Variants in MRPS15 observed in about 807,000 individuals in gnomAD.
MRPS15 encodes the protein mitochondrial ribosomal protein S15.
Under a neutral mutation model 30.7 loss-of-function variants are expected in MRPS15, and 25 were observed. That is an observed-to-expected ratio of 0.81 (90% CI 0.59 to 1.14). The LOEUF is 1.14. Ranked by LOEUF, MRPS15 falls within the 50% of genes most tolerant of loss-of-function variation. The pLI, the probability that MRPS15 is intolerant of heterozygous loss-of-function variation, is 0.00. For synonymous variants in MRPS15, 124 were observed against 120.1 expected (o/e 1.03, Z -0.21); for missense variants, 313 against 321.7 (o/e 0.97, Z 0.21).
At position 36,456,331 on chromosome 1, in the gene MRPS15, T is replaced by C. The variant is rs1649995066; in HGVS notation, c.492A>G (p.Lys164=). The change falls in exon 7 of 8, where the codon AAA becomes AAG. Residue 164 remains lysine (K), a synonymous_variant. Coordinates refer to ENST00000373116, the MANE Select transcript of MRPS15 (RefSeq NM_031280.4). ...RYLLMSIDQR[K]KMLKNLRNTN... ...TGTTACGGAGGTTTTTGAGCATCTT[T>C]TTCCTCTGGTCAATGCTCATTAGCA... is the stretch of plus-strand genomic sequence containing the variant. 2 of 1,614,190 alleles carry C rather than the reference T, an allele frequency of 1.2e-6. No individual in the cohort carries two copies. The highest frequency in any genetic ancestry group is 1.7e-6 in the Non-Finnish European group (2 of 1,180,024).
Position 36,461,331 on chromosome 1 carries a change from AAT to A in MRPS15, c.252-21_252-20del, listed in dbSNP as rs766070266. On this transcript the variant is annotated intron_variant, in intron 3 of 7. Coordinates refer to ENST00000373116, the MANE Select transcript of MRPS15 (RefSeq NM_031280.4). Reference sequence around the variant, plus strand: ...ATCAACCCTGTGGATAAACCACAGCAATGAGACAGACATTGGGGGAGAAGAGA... The same window carrying A: ...ATCAACCCTGTGGATAAACCACAGCAGAGACAGACATTGGGGGAGAAGAGA... 49 of 1,611,126 alleles carry A rather than the reference AAT, an allele frequency of 3.0e-5. No homozygotes were observed. The highest frequency in any genetic ancestry group is 3.5e-5 in the Non-Finnish European group (41 of 1,177,334).
In MRPS15 at chr1:36,461,300, G is replaced by C. The variant is rs751634586; in HGVS notation, c.264C>G (p.Val88=). ...TTTCCAAAGACAAGAGTCTTTTCACGACATCATCAACCCTGTGGATAAACC... is the reference window on the plus strand; with the variant it reads ...TTTCCAAAGACAAGAGTCTTTTCACCACATCATCAACCCTGTGGATAAACC... ...NVPGIEKVDD[V]VKRLLSLEMA... Residue 88 remains valine (V), a synonymous_variant, in exon 4 of 8, where the codon GTC becomes GTG. Coordinates refer to ENST00000373116, the MANE Select transcript of MRPS15 (RefSeq NM_031280.4). 2 of 1,614,150 alleles carry C rather than the reference G, an allele frequency of 1.2e-6. No individual in the cohort carries two copies. The highest frequency in any genetic ancestry group is 1.7e-6 in the Non-Finnish European group (2 of 1,179,992).
In MRPS15 at chr1:36,455,938, AGGGGC is replaced by A; in HGVS notation, c.637-18_637-14del. On this transcript the variant is annotated splice_polypyrimidine_tract_variant and intron_variant, in intron 7 of 7. Coordinates refer to ENST00000373116, the MANE Select transcript of MRPS15 (RefSeq NM_031280.4). ...TCTCCTGGAAAACCTGGGGATGAAA[AGGGGC>A]AGAAAAAGACCTTGTAATCCTGTGC... 2 of 1,611,464 alleles carry A rather than the reference AGGGGC, an allele frequency of 1.2e-6. No individual in the cohort carries two copies. The highest frequency in any genetic ancestry group is 3.4e-5 in the Admixed American group (2 of 59,366).
Position 36,464,335 on chromosome 1 carries a change from C to G in MRPS15, c.-60G>C. 6.3e-7 allele frequency: 1 copy of G among 1,578,648 alleles called. No individual in the cohort carries two copies. Among genetic ancestry groups the G allele is most frequent in the Non-Finnish European group, 8.6e-7 (1 of 1,162,042 alleles). ...GCCGCCGTTCGCTTTGCGGCACGGA[C>G]CGGGTTACATGGGCGCCGCCATGCT... On this transcript the variant is annotated 5_prime_UTR_variant, in exon 1 of 8. Transcript: ENST00000373116.
rs144033990 is a variant in MRPS15 at position 36,458,260 on chromosome 1, G to A, written c.386-279C>T. 2,007 of 338,900 alleles carry A rather than the reference G, an allele frequency of 5.9e-3. 34 individuals are homozygous for A. Among genetic ancestry groups the A allele is most frequent in the African/African-American group, 0.04 (1,854 of 46,928 alleles). 21.0% of individuals were successfully genotyped at this position (338,900 alleles called of 1,614,324 possible). On this transcript the variant is annotated intron_variant, in intron 5 of 7. Transcript: ENST00000373116. This position sits in a 1 kb window ranked among gnomAD's most constrained non-coding sequence, Gnocchi z 4.5. Reference sequence around the variant, plus strand: ...ATTCTTTTTTTTGAGACGGAGTCTCGCTCTGTTGCCCAGGCTGGAGTGCAG... The same window carrying A: ...ATTCTTTTTTTTGAGACGGAGTCTCACTCTGTTGCCCAGGCTGGAGTGCAG...
rs2275474 is a variant in MRPS15, at chr1:36,463,932, G to A, written c.131-82C>T. The A allele has an allele frequency of 0.014, 21,480 of 1,538,908 alleles. 1,968 individuals are homozygous for A. In the East Asian group the frequency reaches 0.26, roughly 19 times the overall value. On this transcript the variant is annotated intron_variant, in intron 1 of 7. Coordinates refer to ENST00000373116, the MANE Select transcript of MRPS15 (RefSeq NM_031280.4). Reference sequence around the variant, plus strand: ...CCTTTCTGTGCCCCTCGCATTGCCCGTCCGCCACGGTCTATGCGCTTCTGA... The same window carrying A: ...CCTTTCTGTGCCCCTCGCATTGCCCATCCGCCACGGTCTATGCGCTTCTGA...
chr1:36,462,140 G>A lies in MRPS15; in HGVS notation c.199C>T (p.Pro67Ser), dbSNP rs1650111527. Residue 67 changes from proline to serine, a missense_variant, in exon 3 of 8, where the codon CCA becomes TCA. Coordinates refer to ENST00000373116, the MANE Select transcript of MRPS15 (RefSeq NM_031280.4). Reference sequence around the variant, plus strand: ...TCTTTGAGCAGCGTAGAGGGAGGTGGGTCATCATCCAGCCTAGACTGGGCT... The same window carrying A: ...TCTTTGAGCAGCGTAGAGGGAGGTGAGTCATCATCCAGCCTAGACTGGGCT... ...KPAQSRLDDD[P>S]PPSTLLKDYQ... 6.2e-7 allele frequency: 1 copy of A among 1,612,994 alleles called. No individual in the cohort carries two copies.
rs763447620 is a variant in MRPS15 at position 36,458,251 on chromosome 1, C to T, written c.386-270G>A. Reference sequence around the variant, plus strand: ...GCAAATAGCATTCTTTTTTTTGAGACGGAGTCTCGCTCTGTTGCCCAGGCT... The same window carrying T: ...GCAAATAGCATTCTTTTTTTTGAGATGGAGTCTCGCTCTGTTGCCCAGGCT... On this transcript the variant is annotated intron_variant, in intron 5 of 7. Coordinates refer to ENST00000373116, the MANE Select transcript of MRPS15 (RefSeq NM_031280.4). This position sits in a 1 kb window ranked among gnomAD's most constrained non-coding sequence, Gnocchi z 4.5. The T allele has an allele frequency of 1.4e-4, 51 of 367,306 alleles. No homozygotes were observed. The highest frequency in any genetic ancestry group is 4.3e-4 in the Admixed American group (10 of 23,160). 22.8% of individuals were successfully genotyped at this position (367,306 alleles called of 1,614,324 possible). A position where few individuals can be genotyped will look rare whatever the true frequency, so the allele number is the denominator to read the frequency against.
Position 36,463,825 on chromosome 1 carries a change from T to C in MRPS15, c.156A>G (p.Gly52=). The part of the protein sequence containing the change: ...PRSLLLQAAR[G]YVVRKPAQSR... ...TCCTACCTGGTTTCCGGACGACATA[T>C]CCGCGCGCGGCCTGGAGGAGGAGAC... Residue 52 remains glycine (G), a synonymous_variant, in exon 2 of 8, where the codon GGA becomes GGG. Coordinates refer to ENST00000373116, the MANE Select transcript of MRPS15 (RefSeq NM_031280.4). 4 of 1,612,716 alleles carry C rather than the reference T, an allele frequency of 2.5e-6. No homozygotes were observed. The highest frequency in any genetic ancestry group is 3.4e-6 in the Non-Finnish European group (4 of 1,179,196).
rs1650077934 is a variant in MRPS15, at chr1:36,460,688, C to T, written c.385+4G>A. On this transcript the variant is annotated splice_donor_region_variant and intron_variant, in intron 5 of 7. Transcript: ENST00000373116. ...CCCCCACTCCCCAAGGGTCCCCGAC[C>T]AACTTCGAGCCTCCAGGGATCTGGT... 6.2e-7 allele frequency: 1 copy of T among 1,613,468 alleles called. No homozygotes were observed.
chr1:36,462,146 C>G lies in MRPS15; in HGVS notation c.193G>C (p.Asp65His). 6.2e-7 allele frequency: 1 copy of G among 1,613,068 alleles called. No individual in the cohort carries two copies. Among genetic ancestry groups the G allele is most frequent in the Non-Finnish European group, 8.5e-7 (1 of 1,179,328 alleles). Residue 65 changes from aspartate to histidine, a missense_variant, in exon 3 of 8, where the codon GAT (aspartate) becomes CAT (histidine). Asp to His is a moderately conservative substitution (Grantham distance 81). Coordinates refer to ENST00000373116, the MANE Select transcript of MRPS15 (RefSeq NM_031280.4). The part of the protein sequence containing the change: ...VRKPAQSRLD[D>H]DPPPSTLLKD... The stretch of plus-strand genomic sequence containing the variant: ...AGCAGCGTAGAGGGAGGTGGGTCAT[C>G]ATCCAGCCTAGACTGGGCTGTCAAG...
In MRPS15 at chr1:36,464,167, G is replaced by A; in HGVS notation, c.109C>T (p.Gln37Ter). The change falls in exon 1 of 8, where the codon CAG becomes TAG. Residue 37 changes from glutamine to a stop codon, truncating the protein, a stop_gained. Coordinates refer to ENST00000373116, the MANE Select transcript of MRPS15 (RefSeq NM_031280.4). LOFTEE classifies it high-confidence loss of function. Reference protein sequence around the residue: ...GGGSAKFPFNQWGLQPRSLLL... With the variant: ...GGGSAKFPFN ...TCACTTCGAGGCTGCAGGCCCCACT[G>A]GTTGAAAGGAAACTTGGCGCTCCCA... 1.2e-6 allele frequency: 2 copies of A among 1,613,892 alleles called. No homozygotes were observed. Among genetic ancestry groups the A allele is most frequent in the Non-Finnish European group, 1.7e-6 (2 of 1,179,974 alleles).
At chr1:36,463,877 C>T (rs969163779) in intron 1 of MRPS15, 27 bp from the exon 2 acceptor site, 13 of 1,604,686 alleles carry the variant, frequency 8.1e-6, no homozygotes, top group African/African-American at 5.4e-5. Flanking sequence ...GGGCTGAGGA[C>T]CATCTCCTTA....
At chr1:36,463,730 A>T (rs769189119) in intron 2 of MRPS15, 76 bp downstream of exon 2, 9 of 1,529,738 alleles carry the variant, frequency 5.9e-6, no homozygotes, top group Non-Finnish European at 7.9e-6. Context: ...CTAATTCGCC[A>T]CATCGGTCCC....
intron 5 of MRPS15, among the ~76,000 whole-genome samples, chr1:36,460,295 C>T (rs945191298): frequency 6.6e-5 from 10 of 152,180 alleles, no homozygotes; most frequent in African/African-American, 1.9e-4. Flanking sequence ...CGTGAGCCAC[C>T]GCGCCTGGCC....
rs748159399 is a variant in MRPS15, at chr1:36,458,637, TGCAG to T, written c.386-660_386-657del. 4.6e-5 allele frequency: 7 copies of T among 152,252 alleles called. No homozygotes were observed. The highest frequency in any genetic ancestry group is 8.8e-5 in the Non-Finnish European group (6 of 68,048). The allele number at this position is 152,252 out of a possible 1,614,324, so 9.4% of individuals were successfully genotyped here. A position where few individuals can be genotyped will look rare whatever the true frequency, so the allele number is the denominator to read the frequency against. On this transcript the variant is annotated intron_variant, in intron 5 of 7. Transcript: ENST00000373116. This position sits in a 1 kb window ranked among gnomAD's most constrained non-coding sequence, Gnocchi z 4.5. ...ACATTGTATTAGAGGTCCAAGCCAA[TGCAG>T]TAAAGTATTTTGGCACAAATAAGAT...
intron 4 of MRPS15, 66 bp from the exon 5 acceptor site, chr1:36,460,842 C>T (rs1342368554): frequency 1.4e-5 from 19 of 1,325,296 alleles, no homozygotes; most frequent in East Asian, 9.2e-5. Context: ...GCCCTCCTCC[C>T]CCCAAGGGCC....
intron 3 of MRPS15, 33 bp downstream of exon 3, chr1:36,462,055 C>T: frequency 6.3e-7 from 1 of 1,587,444 alleles, no homozygotes; most frequent in South Asian, 1.1e-5. Flanking sequence ...CCCAGGGCCC[C>T]CTGCCTCCTC....
At chr1:36,460,625 A>G (rs1650076401) in intron 5 of MRPS15, 67 bp downstream of exon 5, 2 of 1,188,568 alleles carry the variant, frequency 1.7e-6, no homozygotes, top group South Asian at 1.2e-5. Flanking sequence ...TGTAGACAAG[A>G]GCCCTAGATC....
Sources: allele counts gnomAD v4.1 joint callset (sites outside exome capture counted in the v4.1 genomes callset), GRCh38; gene constraint gnomAD v4.1.1; non-coding constraint Gnocchi (gnomAD v3.1); transcripts MANE v1.5; gene names NCBI Gene and HGNC (gene_info 2026-07-23, HGNC 2026-07-21).